MACC1: variants seen among roughly 807,000 people sequenced by gnomAD.
MACC1 encodes the protein MET transcriptional regulator MACC1.
In MACC1, 79 loss-of-function variants were observed where a neutral mutation model predicts 70.7. The ratio of observed to expected loss-of-function variants is 1.12; its 90% CI spans 0.93 to 1.35. MACC1 has a LOEUF of 1.35. MACC1 is among the 40% of genes most tolerant of loss of function. The pLI, the probability that MACC1 is intolerant of heterozygous loss-of-function variation, is 0.00. For missense variants in MACC1, 1,106 were observed against 978.1 expected (o/e 1.13, Z -1.74); for synonymous variants, 361 against 347.2 (o/e 1.04, Z -0.44).
chr7:20,158,174 A>C, intron 5 of MACC1, 30 bp downstream of exon 5: 2 of 1,527,634 alleles, frequency 1.3e-6, no homozygotes, highest in Non-Finnish European at 1.7e-6. Context: ...TCTCGATGGC[A>C]ATTCATTACC....
intron 6 of MACC1, among the ~76,000 whole-genome samples, chr7:20,142,950 A>G (rs1781828380): frequency 1.3e-5 from 2 of 152,256 alleles, no homozygotes; most frequent in Admixed American, 1.3e-4. Flanking sequence ...ATTTGAAGAT[A>G]TTTTATGATA....
chr7:20,158,778 T>C lies in MACC1; in HGVS notation c.1583A>G (p.Lys528Arg), dbSNP rs1466368675. 1 of 1,614,142 alleles carries C rather than the reference T, an allele frequency of 6.2e-7. No individual in the cohort carries two copies. The highest frequency in any genetic ancestry group is 1.1e-5 in the South Asian group (1 of 91,058). Residue 528 changes from lysine (K) to arginine (R), a missense_variant, in exon 5 of 7, where the codon AAG becomes AGG. Transcript: ENST00000400331. The stretch of plus-strand genomic sequence containing the variant: ...AATTTTTGGTGATAAAGGAGCAGAC[T>C]TGATTTCCTCCTTCTTCTGCAAATA... Reference protein sequence around the residue: ...PGYLQKKEEIKSAPLSPKILV... With the variant: ...PGYLQKKEEIRSAPLSPKILV...
At chr7:20,142,169 A>C (rs1173179459) in intron 6 of MACC1, 2 of 152,170 alleles carry the variant, frequency 1.3e-5, no homozygotes, top group Non-Finnish European at 2.9e-5. Flanking sequence ...TTAAAGTAGA[A>C]CCTCTATCAC....
intron 2 of MACC1, among the ~76,000 whole-genome samples, chr7:20,168,989 C>T (rs754325455): frequency 6.6e-6 from 1 of 152,120 alleles, no homozygotes; most frequent in Non-Finnish European, 1.5e-5. Context: ...AAAATGTAGC[C>T]TGAGCAGAAG....
intron 1 of MACC1, among the ~76,000 whole-genome samples, chr7:20,208,114 C>A (rs1562603883): frequency 6.6e-6 from 1 of 152,192 alleles, no homozygotes; most frequent in Non-Finnish European, 1.5e-5. Context: ...CCTGAGGCCT[C>A]CCCAGCATGC....
chr7:20,214,285 T>A (rs1489863986), intron 1 of MACC1, among the ~76,000 whole-genome samples: 2 of 152,080 alleles, frequency 1.3e-5, no homozygotes, highest in East Asian at 3.9e-4. Context: ...TCCCCTAGAA[T>A]ACCCTCCATG....
At chr7:20,186,927 G>A (rs892612128) in intron 1 of MACC1, among the ~76,000 whole-genome samples, 2 of 152,094 alleles carry the variant, frequency 1.3e-5, no homozygotes, top group Non-Finnish European at 2.9e-5. Context: ...AATAACTTAA[G>A]ACATGGTACA....
At chr7:20,175,210 G>A (rs545960617) in intron 1 of MACC1, among the ~76,000 whole-genome samples, 4 of 151,702 alleles carry the variant, frequency 2.6e-5, no homozygotes, top group Non-Finnish European at 2.9e-5. Flanking sequence ...TCTTTAACCC[G>A]GCAATATTTT....
intron 1 of MACC1, among the ~76,000 whole-genome samples, chr7:20,180,850 TAAC>T (rs894456833): frequency 2.0e-5 from 3 of 151,894 alleles, no homozygotes; most frequent in Non-Finnish European, 2.9e-5. Flanking sequence ...GCATCTCAAA[TAAC>T]AATAATAATA....
rs749492148 is a variant in MACC1 at position 20,159,057 on chromosome 7, A to G, written c.1304T>C (p.Ile435Thr). Residue 435 changes from isoleucine to threonine, a missense_variant, in exon 5 of 7, where the codon ATT becomes ACT. By Grantham distance (89) the Ile-to-Thr change is moderately conservative. Transcript: ENST00000400331. ...FLLDKPQDLS[I>T]SIFSCDPDFE... is the part of the protein sequence containing the mutation. ...ATCAGGATCACAGGAAAAAATAGAA[A>G]TACTTAAATCTTGTGGCTTGTCAAG... 1.1e-5 allele frequency: 18 copies of G among 1,613,614 alleles called. No individual in the cohort carries two copies. In the Admixed American group the frequency reaches 3.0e-4, roughly 27 times the overall value.
At chr7:20,174,754 G>A (rs1024722719) in intron 1 of MACC1, among the ~76,000 whole-genome samples, 2 of 151,972 alleles carry the variant, frequency 1.3e-5, no homozygotes, top group Non-Finnish European at 2.9e-5. Flanking sequence ...GCAAAATAAT[G>A]TTCACATTTG....
chr7:20,171,255 CTTTT>C lies in MACC1; in HGVS notation c.-217-481_-217-478del, dbSNP rs60086169. On this transcript the variant is annotated intron_variant, in intron 1 of 6. Transcript: ENST00000400331. ...AGAAACTGGAAGATTATTTTATTTT[CTTTT>C]TTTTTTTTTTGAGGTGGAGTCTTGC... Among the ~76,000 whole-genome samples, 139 of 144,170 alleles carry C rather than the reference CTTTT, an allele frequency of 9.6e-4. 3 individuals carry two copies. The highest frequency in any genetic ancestry group is 3.4e-3 in the African/African-American group (133 of 38,984). The allele number at this position is 144,170 out of a possible 152,430, so 94.6% of individuals were successfully genotyped here.
At chr7:20,208,274 G>A (rs1327328501) in intron 1 of MACC1, among the ~76,000 whole-genome samples, 2 of 152,244 alleles carry the variant, frequency 1.3e-5, no homozygotes, top group Non-Finnish European at 2.9e-5. Flanking sequence ...AAGTGACTTT[G>A]AAACTGGGTA....
chr7:20,159,754 C>T lies in MACC1; in HGVS notation c.607G>A (p.Gly203Arg), dbSNP rs753203553. 54 of 1,613,974 alleles carry T rather than the reference C, an allele frequency of 3.3e-5. No individual in the cohort carries two copies. The highest frequency in any genetic ancestry group is 4.2e-5 in the Non-Finnish European group (50 of 1,180,038). ...TCCGCAAGTTGTGTCTGGGCCCATC[C>T]AGGGCTCTGACTAATTGTATTCAAA... ...LDLNTISQSPGWAQTQLAEVT... is the reference protein window; with the variant it reads ...LDLNTISQSPRWAQTQLAEVT... Residue 203 changes from glycine (G) to arginine (R), a missense_variant, in exon 5 of 7, where the codon GGA becomes AGA. By Grantham distance (125) the Gly-to-Arg change is moderately radical. Coordinates refer to ENST00000400331, the MANE Select transcript of MACC1 (RefSeq NM_182762.4).
chr7:20,212,681 G>A (rs1473748446), intron 1 of MACC1, among the ~76,000 whole-genome samples: 1 of 151,820 alleles, frequency 6.6e-6, no homozygotes, highest in Non-Finnish European at 1.5e-5. Context: ...TTTTCTGCTT[G>A]AAGGTCCATT....
rs60086169 is a variant in MACC1, at chr7:20,171,255, C to CT, written c.-217-478dup. On this transcript the variant is annotated intron_variant, in intron 1 of 6. Transcript: ENST00000400331. ...AGAAACTGGAAGATTATTTTATTTT[C>CT]TTTTTTTTTTTTTTGAGGTGGAGTC... Among the ~76,000 whole-genome samples, 151 of 144,170 alleles carry CT rather than the reference C, an allele frequency of 1.0e-3. 1 individual carries two copies. The highest frequency in any genetic ancestry group is 1.7e-3 in the Admixed American group (25 of 14,572). 94.6% of individuals were successfully genotyped at this position (144,170 alleles called of 152,430 possible).
chr7:20,172,425 T>G (rs1782322700), intron 1 of MACC1, among the ~76,000 whole-genome samples: 1 of 152,210 alleles, frequency 6.6e-6, no homozygotes, highest in African/African-American at 2.4e-5. Flanking sequence ...TCTGTATGGA[T>G]TTTTAAAGTA....
At chr7:20,207,149 T>C (rs1037026040) in intron 1 of MACC1, among the ~76,000 whole-genome samples, 5 of 145,548 alleles carry the variant, frequency 3.4e-5, no homozygotes, top group Admixed American at 2.1e-4. Context: ...TTTTCTTTTC[T>C]TTTTTTTTTT....
Position 20,154,231 on chromosome 7 carries a change from T to A in MACC1, c.2308A>T (p.Ile770Phe). ...TCTCCAGTGTTTCCTCGATGAGGAA[T>A]TTCATATGCCTCCATTTGTTGCTTT... ...LTKQQMEAYE[I>F]PHRGNTGDVA... Residue 770 changes from isoleucine to phenylalanine, a missense_variant, in exon 6 of 7, where the codon ATT (isoleucine) becomes TTT (phenylalanine). Physicochemically the swap from Ile to Phe is conservative, Grantham distance 21 (BLOSUM62 0). Transcript: ENST00000400331. 1 of 1,614,008 alleles carries A rather than the reference T, an allele frequency of 6.2e-7. No individual in the cohort carries two copies.
Sources: gnomAD v4.1 joint callset for allele counts (sites outside exome capture counted in the v4.1 genomes callset) on GRCh38, gnomAD v4.1.1 for gene constraint, MANE v1.5 for transcripts, NCBI Gene and HGNC (gene_info 2026-07-23, HGNC 2026-07-21) for gene names.